The following BRCA2 variants were observed in gnomAD, a reference collection of about 807,000 sequenced individuals.
BRCA2 encodes BRCA2 DNA repair associated, also known as breast cancer type 2 susceptibility protein.
A neutral mutation model predicts 276.7 loss-of-function variants in BRCA2; 203 were observed. That is an observed-to-expected ratio of 0.73 (90% CI 0.65 to 0.82). BRCA2 has a LOEUF of 0.82. Among genes scored for constraint, BRCA2 ranks in the 40% least tolerant of loss-of-function variants. BRCA2 has a pLI of 0.00. For missense variants in BRCA2, 3,920 were observed against 3,915.0 expected, an observed-to-expected ratio of 1.00 and a Z score of -0.03; for synonymous variants, 1,289 against 1,338.4, an observed-to-expected ratio of 0.96 and a Z score of 0.81.
chr13:32,344,187 A>G (rs2137535832), intron 11 of BRCA2, among the ~76,000 whole-genome samples: 1 of 150,056 alleles, frequency 6.7e-6, no homozygotes, highest in South Asian at 2.1e-4. Context: ...AAAAAAAGAG[A>G]GAAAAAGTTT....
chr13:32,341,984 C>G (rs1366687977), intron 11 of BRCA2, among the ~76,000 whole-genome samples: 6 of 151,998 alleles, frequency 3.9e-5, no homozygotes, highest in Non-Finnish European at 8.8e-5. Flanking sequence ...ATAACACCTC[C>G]CATGAGGGCT....
rs55638633 is a variant in BRCA2 at position 32,337,410 on chromosome 13, C to G, written c.3055C>G (p.Leu1019Val). Residue 1019 changes from leucine (L) to valine (V), a missense_variant, in exon 11 of 27, where the codon CTC becomes GTC. Around this residue, in one of 2 missense-constraint regions of BRCA2, gnomAD observed 3,263 missense variants for 3,156.9 expected, o/e 1.03. Transcript: ENST00000380152. ...AACAGCTTCAAATAAGGAAATCAAG[C>G]TCTCTGAACATAACATTAAGAAGAG... ...FRTASNKEIK[L>V]SEHNIKKSKM... The G allele has an allele frequency of 1.2e-4, 188 of 1,613,392 alleles. No individual in the cohort carries two copies. Among genetic ancestry groups the G allele is most frequent in the Middle Eastern group, 5.0e-4 (3 of 6,044 alleles).
chr13:32,365,109 CTTTTTTTTTT>C (rs57551462), intron 18 of BRCA2, among the ~76,000 whole-genome samples: 21 of 64,458 alleles, frequency 3.3e-4, no homozygotes, highest in African/African-American at 1.2e-3. Context: ...GCAGTGCATT[CTTTTTTTTTT>C]TTTTTTTTTT....
In BRCA2 at chr13:32,399,466, G is replaced by T; in HGVS notation, c.*696G>T. ...TGAGCAATTCTTCATCCTTAAGTCA[G>T]CATGATTATAAGAAAAATAGAACCC... On this transcript the variant is annotated 3_prime_UTR_variant, in exon 27 of 27. Transcript: ENST00000380152. 1 of 186,420 alleles carries T rather than the reference G, an allele frequency of 5.4e-6. No homozygotes were observed. 11.5% of individuals were successfully genotyped at this position (186,420 alleles called of 1,614,324 possible). A position where few individuals can be genotyped will look rare whatever the true frequency, so the allele number is the denominator to read the frequency against.
rs2072409358 is a variant in BRCA2, at chr13:32,332,792, T to C, written c.1314T>C (p.Asp438=). Residue 438 remains aspartate (D), a synonymous_variant, in exon 10 of 27, where the codon GAT becomes GAC. Coordinates refer to ENST00000380152, the MANE Select transcript of BRCA2 (RefSeq NM_000059.4). ...ACACAGAGAACAAAAGAAAGAAAGA[T>C]TTTCTTACTTCAGAGAATTCTTTGC... ...LLDTENKRKK[D]FLTSENSLPR... The C allele has an allele frequency of 6.2e-7, 1 of 1,607,444 alleles. No individual in the cohort carries two copies. The highest frequency in any genetic ancestry group is 2.2e-5 in the East Asian group (1 of 44,836).
chr13:32,359,937 T>G (rs1433164659), intron 16 of BRCA2, among the ~76,000 whole-genome samples: 1 of 152,246 alleles, frequency 6.6e-6, no homozygotes, highest in Non-Finnish European at 1.5e-5. Context: ...GAGTCATACA[T>G]TCTATGTGGA....
intron 13 of BRCA2, among the ~76,000 whole-genome samples, chr13:32,347,511 G>A (rs1177870002): frequency 2.0e-5 from 3 of 152,118 alleles, no homozygotes; most frequent in South Asian, 2.1e-4. Context: ...GCAAATAGGC[G>A]GTTATCCTTC....
chr13:32,320,357 C>G (rs781521717), intron 3 of BRCA2, among the ~76,000 whole-genome samples: 6 of 152,108 alleles, frequency 3.9e-5, no homozygotes, highest in Non-Finnish European at 7.4e-5. Context: ...GTGATCAGGC[C>G]CCTGATTTAC....
intron 11 of BRCA2, among the ~76,000 whole-genome samples, chr13:32,342,734 C>T (rs1175894322): frequency 6.6e-6 from 1 of 152,122 alleles, no homozygotes; most frequent in Non-Finnish European, 1.5e-5. Flanking sequence ...AGAAAAGGTA[C>T]AGTAAAAATA....
chr13:32,362,596 A>T lies in BRCA2; in HGVS notation c.7879A>T (p.Ile2627Phe), dbSNP rs80359014. The T allele has an allele frequency of 2.5e-6, 4 of 1,614,168 alleles. No homozygotes were observed. The highest frequency in any genetic ancestry group is 3.4e-6 in the Non-Finnish European group (4 of 1,180,020). Reference protein sequence around the residue: ...RIWVYNHYRWIIWKLAAMECA... With the variant: ...RIWVYNHYRWFIWKLAAMECA... ...TTGGGTTTATAATCACTATAGATGG[A>T]TCATATGGAAACTGGCAGCTATGGA... The change falls in exon 17 of 27, where the codon ATC (isoleucine) becomes TTC (phenylalanine). Residue 2627 changes from isoleucine (I) to phenylalanine (F), a missense_variant. This residue lies in a region of BRCA2 where 3,263 missense variants were observed against 3,156.9 expected (regional missense o/e 1.03). Transcript: ENST00000380152.
intron 24 of BRCA2, among the ~76,000 whole-genome samples, chr13:32,388,684 T>C (rs944912392): frequency 3.4e-5 from 5 of 145,284 alleles, no homozygotes; most frequent in Non-Finnish European, 3.0e-5. Context: ...TTTTTTGAGA[T>C]TGAAAGTCAC....
chr13:32,380,262 C>A, intron 24 of BRCA2, 117 bp downstream of exon 24: 1 of 1,007,080 alleles, frequency 9.9e-7, no homozygotes, highest in Non-Finnish European at 1.4e-6. Flanking sequence ...AACTAGTGAT[C>A]TGAAAGTAAG....
rs587782732 is a variant in BRCA2 at position 32,363,505 on chromosome 13, T to C, written c.8303T>C (p.Leu2768Pro). 2 of 1,613,982 alleles carry C rather than the reference T, an allele frequency of 1.2e-6. No homozygotes were observed. The highest frequency in any genetic ancestry group is 2.7e-5 in the African/African-American group (2 of 75,058). The change falls in exon 18 of 27, where the codon CTT becomes CCT. Residue 2768 changes from leucine (L) to proline (P), a missense_variant. Leu to Pro is a moderately conservative substitution (Grantham distance 98, BLOSUM62 -3). Around this residue, in one of 2 missense-constraint regions of BRCA2, gnomAD observed 3,263 missense variants for 3,156.9 expected, o/e 1.03. Coordinates refer to ENST00000380152, the MANE Select transcript of BRCA2 (RefSeq NM_000059.4). Reference protein sequence around the residue: ...LVGSPDACTPLEAPESLMLKI... With the variant: ...LVGSPDACTPPEAPESLMLKI... ...GGCTCTCCTGATGCCTGTACACCTC[T>C]TGAAGCCCCAGAATCTCTTATGTTA...
rs2072517745 is a variant in BRCA2 at position 32,339,345 on chromosome 13, A to G, written c.4990A>G (p.Ile1664Val). 1 of 1,590,506 alleles carries G rather than the reference A, an allele frequency of 6.3e-7. No individual in the cohort carries two copies. Among genetic ancestry groups the G allele is most frequent in the Non-Finnish European group, 8.5e-7 (1 of 1,170,144 alleles). ...CACAAATCAGTCCCCTTATTCAGTC[A>G]TTGAAAATTCAGCCTTAGCTTTTTA... is the stretch of plus-strand genomic sequence containing the variant. ...CYTNQSPYSVIENSALAFYTS... is the reference protein window; with the variant it reads ...CYTNQSPYSVVENSALAFYTS... The change falls in exon 11 of 27, where the codon ATT becomes GTT. Residue 1664 changes from isoleucine (I) to valine (V), a missense_variant. By Grantham distance (29) the Ile-to-Val change is conservative. Around this residue, in one of 2 missense-constraint regions of BRCA2, gnomAD observed 3,263 missense variants for 3,156.9 expected, o/e 1.03. Transcript: ENST00000380152.
intron 15 of BRCA2, 25 bp downstream of exon 15, chr13:32,356,634 T>C: frequency 1.2e-6 from 2 of 1,610,400 alleles, no homozygotes; most frequent in Non-Finnish European, 1.7e-6. Context: ...ACAATACTGA[T>C]GGCTTTTATG....
rs75353978 is a variant in BRCA2, at chr13:32,399,599, AT to A, written c.*839del. The A allele has an allele frequency of 0.23, 39,717 of 175,124 alleles. 4,635 individuals carry two copies. The highest frequency in any genetic ancestry group is 0.42 in the East Asian group (4,270 of 10,162). 10.8% of individuals were successfully genotyped at this position (175,124 alleles called of 1,614,324 possible). ...AATCAGAAGATTTCATAGTTAATTTATTTTTTTTTTCAACAAAATGGTCATC... is the reference window on the plus strand; with the variant it reads ...AATCAGAAGATTTCATAGTTAATTTATTTTTTTTTCAACAAAATGGTCATC... On this transcript the variant is annotated 3_prime_UTR_variant, in exon 27 of 27. Coordinates refer to ENST00000380152, the MANE Select transcript of BRCA2 (RefSeq NM_000059.4).
At chr13:32,368,937 A>C (rs558786709) in intron 18 of BRCA2, among the ~76,000 whole-genome samples, 2 of 151,234 alleles carry the variant, frequency 1.3e-5, no homozygotes, top group Admixed American at 6.6e-5. Context: ...CAGCCTCCCG[A>C]GTAGCTGGGA....
At chr13:32,377,320 G>A (rs530447892) in intron 21 of BRCA2, among the ~76,000 whole-genome samples, 4 of 152,126 alleles carry the variant, frequency 2.6e-5, no homozygotes, top group South Asian at 4.1e-4. Flanking sequence ...GGCCAGGCGC[G>A]GTGGCTCACG....
At position 32,363,325 on chromosome 13, in the gene BRCA2, C is replaced by T. The variant is rs1566245492; in HGVS notation, c.8123C>T (p.Thr2708Ile). 2 of 1,614,148 alleles carry T rather than the reference C, an allele frequency of 1.2e-6. No individual in the cohort carries two copies. Among genetic ancestry groups the T allele is most frequent in the South Asian group, 2.2e-5 (2 of 91,082 alleles). Residue 2708 changes from threonine to isoleucine, a missense_variant, in exon 18 of 27, where the codon ACT becomes ATT. By Grantham distance (89) the Thr-to-Ile change is moderately conservative. Transcript: ENST00000380152. Reference sequence around the variant, plus strand: ...ATATCTGAAACTTCTAGCAATAAAACTAGTAGTGCAGATACCCAAAAAGTG... The same window carrying T: ...ATATCTGAAACTTCTAGCAATAAAATTAGTAGTGCAGATACCCAAAAAGTG... ...ANISETSSNKTSSADTQKVAI... is the reference protein window; with the variant it reads ...ANISETSSNKISSADTQKVAI...
Sources: allele counts gnomAD v4.1 joint callset (sites outside exome capture counted in the v4.1 genomes callset), GRCh38; gene constraint gnomAD v4.1.1; regional missense constraint gnomAD v4.1.1; transcripts MANE v1.5; gene names NCBI Gene and HGNC (gene_info 2026-07-23, HGNC 2026-07-21).